DUSP22: variants seen among roughly 807,000 people sequenced by gnomAD.
DUSP22 encodes the protein dual specificity protein phosphatase 22.
DUSP22 carries 24 observed loss-of-function variants against 24.5 expected under a neutral mutation model. The observed-to-expected ratio is 0.98, with a 90% CI of 0.71 to 1.38. The LOEUF (loss-of-function observed/expected upper bound fraction) is 1.38, where lower values mean the gene tolerates loss of function less well. DUSP22 is among the 40% of genes most tolerant of loss of function. The probability of loss-of-function intolerance (pLI) is 0.00; values close to 1 mark genes in which losing one functional copy is unlikely to be tolerated. For synonymous variants in DUSP22, 160 were observed against 106.4 expected (o/e 1.50, Z -3.10); for missense variants, 330 against 269.2 (o/e 1.23, Z -1.58).
At chr6:302,612 C>A (rs559896860) in intron 1 of DUSP22, among the ~76,000 whole-genome samples, 499 of 152,218 alleles carry the variant, frequency 3.3e-3, no homozygotes, top group African/African-American at 0.011. Context: ...ACGCTGAGTG[C>A]CCGGCATTGT....
At chr6:310,210 C>G (rs906217858) in intron 2 of DUSP22, among the ~76,000 whole-genome samples, 1 of 152,298 alleles carries the variant, frequency 6.6e-6, no homozygotes, top group Admixed American at 6.5e-5. Context: ...ATTGGCCCGT[C>G]GCGGCCTCCC....
At chr6:329,818 G>C (rs559911601) in intron 3 of DUSP22, among the ~76,000 whole-genome samples, 1,445 of 151,804 alleles carry the variant, frequency 9.5e-3, no homozygotes, top group Non-Finnish European at 0.015. Context: ...TCCAATGAGA[G>C]AGTCTTCTGC....
intron 2 of DUSP22, among the ~76,000 whole-genome samples, chr6:305,001 C>T (rs903321162): frequency 2.6e-5 from 4 of 152,426 alleles, no homozygotes; most frequent in Non-Finnish European, 5.9e-5. Flanking sequence ...ACAGTTCATC[C>T]GTGTTGCGGC....
At chr6:330,300 G>A (rs978014120) in intron 3 of DUSP22, among the ~76,000 whole-genome samples, 46 of 152,392 alleles carry the variant, frequency 3.0e-4, no homozygotes, top group African/African-American at 1.0e-3. Flanking sequence ...TTTTGAAGAG[G>A]CTCCTGCAGG....
At chr6:335,248 A>C in intron 4 of DUSP22, 85 bp downstream of exon 4, 1 of 1,549,566 alleles carries the variant, frequency 6.5e-7, no homozygotes, top group Non-Finnish European at 8.9e-7. Flanking sequence ...AAGACTGTGA[A>C]GTTGTCAGAG....
At chr6:310,712 C>A (rs1458387106) in intron 2 of DUSP22, among the ~76,000 whole-genome samples, 2 of 152,422 alleles carry the variant, frequency 1.3e-5, no homozygotes, top group East Asian at 1.9e-4. Context: ...GAATTCTCAT[C>A]ATTAAGAGGC....
At chr6:343,735 TC>T (rs1302995778) in intron 4 of DUSP22, among the ~76,000 whole-genome samples, 1 of 29,626 alleles carries the variant, frequency 3.4e-5, no homozygotes, top group African/African-American at 1.8e-4. Context: ...TTGCTGCTGT[TC>T]CCTGGCTGTC....
rs767884970 is a variant in DUSP22 at position 348,865 on chromosome 6, A to G, written c.532A>G (p.Thr178Ala). ...ILGKYKEQGR[T>A]EPQPGARRWS... ...GGGTAAATATAAGGAGCAAGGGCGC[A>G]CAGAGCCCCAGCCCGGCGCCAGGCG... is the stretch of plus-strand genomic sequence containing the variant. The change falls in exon 7 of 7, where the codon ACA becomes GCA. Residue 178 changes from threonine (T) to alanine (A), a missense_variant. Coordinates refer to ENST00000419235, the MANE Select transcript of DUSP22 (RefSeq NM_001286555.3). 6.2e-7 allele frequency: 1 copy of G among 1,614,298 alleles called. No homozygotes were observed. The highest frequency in any genetic ancestry group is 1.7e-5 in the Admixed American group (1 of 60,038).
intron 3 of DUSP22, among the ~76,000 whole-genome samples, chr6:327,765 G>A (rs976871143): frequency 6.0e-4 from 92 of 152,388 alleles, no homozygotes; most frequent in Non-Finnish European, 9.7e-4. Flanking sequence ...GAAGAGCCAC[G>A]CAGAAAGCCT....
intron 1 of DUSP22, 114 bp from the exon 2 acceptor site, chr6:304,514 T>C (rs551169533): frequency 2.7e-5 from 39 of 1,463,248 alleles, no homozygotes; most frequent in Middle Eastern, 1.7e-4. Context: ...GGAGGTGCTG[T>C]ACTGGGGAAG....
chr6:324,992 G>A (rs1380653409), intron 3 of DUSP22, among the ~76,000 whole-genome samples: 1 of 152,308 alleles, frequency 6.6e-6, no homozygotes, highest in African/African-American at 2.4e-5. Flanking sequence ...CCGGGAAGGG[G>A]AGGCTGGCTC....
intron 1 of DUSP22, among the ~76,000 whole-genome samples, chr6:297,385 G>GTT (rs1235510156): frequency 1.3e-5 from 2 of 152,310 alleles, no homozygotes; most frequent in African/African-American, 4.8e-5. Flanking sequence ...ACTGACACTT[G>GTT]TTTGAGGATG....
chr6:347,176 A>G (rs1482326996), intron 5 of DUSP22, among the ~76,000 whole-genome samples: 2 of 152,298 alleles, frequency 1.3e-5, no homozygotes, highest in African/African-American at 4.8e-5. Flanking sequence ...GTGAATCTCC[A>G]GGGTTGCAGC....
intron 5 of DUSP22, among the ~76,000 whole-genome samples, chr6:347,590 C>T (rs1434466463): frequency 1.1e-4 from 16 of 152,298 alleles, no homozygotes; most frequent in African/African-American, 3.9e-4. Flanking sequence ...ATATTTATGT[C>T]AGGAAGAGTA....
intron 1 of DUSP22, among the ~76,000 whole-genome samples, chr6:299,061 C>G (rs11757921): frequency 0.093 from 13,757 of 148,382 alleles, 62 homozygotes; most frequent in Non-Finnish European, 0.14. Context: ...GAAAGAGCAG[C>G]AGTTTCAGAG....
At chr6:326,804 G>A (rs2127407398) in intron 3 of DUSP22, among the ~76,000 whole-genome samples, 1 of 152,428 alleles carries the variant, frequency 6.6e-6, no homozygotes, top group Non-Finnish European at 1.5e-5. Flanking sequence ...CAGAGCAAAG[G>A]AGAATTGAGC....
At chr6:345,789 AT>A in intron 4 of DUSP22, 64 bp from the exon 5 acceptor site, 2 of 1,570,192 alleles carry the variant, frequency 1.3e-6, no homozygotes, top group Admixed American at 3.6e-5. Flanking sequence ...CTCAGGTAGA[AT>A]TTTCTTTTCA....
chr6:347,556 C>T (rs1175128143), intron 5 of DUSP22, among the ~76,000 whole-genome samples: 2 of 152,300 alleles, frequency 1.3e-5, no homozygotes, highest in African/African-American at 2.4e-5. Context: ...CCTGCGGACA[C>T]AGTGTGCCTG....
intron 1 of DUSP22, among the ~76,000 whole-genome samples, chr6:293,931 A>G (rs1400120954): frequency 6.6e-6 from 1 of 151,966 alleles, no homozygotes; most frequent in African/African-American, 2.4e-5. Context: ...TTTTTAAATT[A>G]AAACAGAACA....
Sources: gnomAD v4.1 joint callset for allele counts (sites outside exome capture counted in the v4.1 genomes callset) on GRCh38, gnomAD v4.1.1 for gene constraint, MANE v1.5 for transcripts, NCBI Gene and HGNC (gene_info 2026-07-23, HGNC 2026-07-21) for gene names.